The following CLIP1 variants were observed in gnomAD, a reference collection of about 807,000 sequenced individuals.
The protein encoded by CLIP1 is CAP-Gly domain containing linker protein 1, also known as CAP-Gly domain-containing linker protein 1.
A neutral mutation model predicts 161.6 loss-of-function variants in CLIP1; 66 were observed. The observed-to-expected ratio is 0.41, with a 90% CI of 0.33 to 0.50. CLIP1 has a LOEUF of 0.50. Ranked by LOEUF, CLIP1 falls within the 20% of genes least tolerant of loss-of-function variation. The pLI is 0.27. For synonymous variants in CLIP1, 598 were observed against 626.2 expected, an observed-to-expected ratio of 0.96 and a Z score of 0.67; for missense variants, 1,376 against 1,702.0, an observed-to-expected ratio of 0.81 and a Z score of 3.37.
In CLIP1 at chr12:122,341,424, C is replaced by T. The variant is rs780769680; in HGVS notation, c.1780G>A (p.Ala594Thr). ...HQKEIKALYT[A>T]TEKLSKENES... is the part of the protein sequence containing the mutation. ...TTCTCTTTGGAAAGCTTTTCCGTGG[C>T]GGTATACAGAGCCTTTATCTCCTTC... Residue 594 changes from alanine (A) to threonine (T), a missense_variant, in exon 11 of 26, where the codon GCC becomes ACC. Physicochemically the swap from Ala to Thr is moderately conservative, Grantham distance 58. Coordinates refer to ENST00000620786, the MANE Select transcript of CLIP1 (RefSeq NM_001247997.2). 1.4e-5 allele frequency: 23 copies of T among 1,613,942 alleles called. No homozygotes were observed. The highest frequency in any genetic ancestry group is 2.2e-5 in the South Asian group (2 of 91,082).
At chr12:122,320,320 T>A (rs1593058723) in intron 17 of CLIP1, among the ~76,000 whole-genome samples, 1 of 150,472 alleles carries the variant, frequency 6.6e-6, no homozygotes, top group African/African-American at 2.5e-5. Context: ...AATGAAAATA[T>A]AGCTAGGCAT....
chr12:122,396,927 C>T (rs868812280), intron 1 of CLIP1, among the ~76,000 whole-genome samples: 7 of 138,592 alleles, frequency 5.1e-5, no homozygotes, highest in Admixed American at 8.2e-5. Context: ...CCACCACACC[C>T]GGCAAATTTT....
chr12:122,369,722 G>T (rs1954341044), intron 3 of CLIP1, among the ~76,000 whole-genome samples: 1 of 151,870 alleles, frequency 6.6e-6, no homozygotes, highest in Non-Finnish European at 1.5e-5. Flanking sequence ...GCCATAGAAG[G>T]TGTCTTTAGT....
At chr12:122,306,535 C>T (rs1368691620) in intron 20 of CLIP1, among the ~76,000 whole-genome samples, 1 of 152,186 alleles carries the variant, frequency 6.6e-6, no homozygotes, top group African/African-American at 2.4e-5. Flanking sequence ...GCACACGATC[C>T]TGACCAAAAT....
chr12:122,378,733 G>A (rs971188282), intron 2 of CLIP1, among the ~76,000 whole-genome samples: 2 of 152,070 alleles, frequency 1.3e-5, no homozygotes, highest in Non-Finnish European at 2.9e-5. Flanking sequence ...AGTGGCTCAC[G>A]CCTGTAATCC....
At chr12:122,374,218 C>A (rs1954598439) in intron 3 of CLIP1, among the ~76,000 whole-genome samples, 1 of 151,282 alleles carries the variant, frequency 6.6e-6, no homozygotes, top group African/African-American at 2.4e-5. Flanking sequence ...ACGCCTGTAA[C>A]CCCAACACTT....
In CLIP1 at chr12:122,341,574, T is replaced by C. The variant is rs2136343964; in HGVS notation, c.1630A>G (p.Met544Val). ...ATCTCTTGCAAAAGGGAAAGTGACA[T>C]GTCCACATCCCCAGCAGGCTTATTG... ...ESNKPAGDVDMSLSLLQEISS... is the reference protein window; with the variant it reads ...ESNKPAGDVDVSLSLLQEISS... Residue 544 changes from methionine to valine, a missense_variant, in exon 11 of 26, where the codon ATG (methionine) becomes GTG (valine). Coordinates refer to ENST00000620786, the MANE Select transcript of CLIP1 (RefSeq NM_001247997.2). The C allele has an allele frequency of 1.2e-6, 2 of 1,614,042 alleles. No individual in the cohort carries two copies. The highest frequency in any genetic ancestry group is 4.5e-5 in the East Asian group (2 of 44,876).
chr12:122,412,966 C>G (rs182114277), intron 1 of CLIP1, among the ~76,000 whole-genome samples: 1 of 152,254 alleles, frequency 6.6e-6, no homozygotes, highest in Admixed American at 6.5e-5. Context: ...GTATCCCTTT[C>G]AACAGAAACT....
At chr12:122,316,966 T>A (rs760677469) in intron 18 of CLIP1, 111 bp from the exon 19 acceptor site, 19 of 668,502 alleles carry the variant, frequency 2.8e-5, no homozygotes, top group African/African-American at 3.7e-5. Flanking sequence ...AATTAGTCAC[T>A]CGCAAAAAAA....
intron 3 of CLIP1, among the ~76,000 whole-genome samples, chr12:122,372,396 CAA>C (rs998574172): frequency 6.7e-6 from 1 of 149,138 alleles, no homozygotes; most frequent in Non-Finnish European, 1.5e-5. Context: ...GCCTGGGCGA[CAA>C]GAGTGAAACC....
At chr12:122,321,314 C>T (rs1231635248) in intron 17 of CLIP1, among the ~76,000 whole-genome samples, 2 of 151,434 alleles carry the variant, frequency 1.3e-5, no homozygotes, top group East Asian at 2.0e-4. Context: ...GGCGCAAGCT[C>T]GGCTCACTGC....
At chr12:122,315,355 G>T (rs1021832992) in intron 19 of CLIP1, among the ~76,000 whole-genome samples, 2 of 152,148 alleles carry the variant, frequency 1.3e-5, no homozygotes, top group African/African-American at 4.8e-5. Flanking sequence ...TTCACCAGGT[G>T]AATTAGCTTT....
At chr12:122,329,011 A>C (rs1951822063) in intron 15 of CLIP1, among the ~76,000 whole-genome samples, 1 of 152,244 alleles carries the variant, frequency 6.6e-6, no homozygotes, top group African/African-American at 2.4e-5. Context: ...TTAATAAGGA[A>C]AAATGAGTGA....
chr12:122,352,096 C>A (rs1157360995), intron 8 of CLIP1, among the ~76,000 whole-genome samples: 2 of 144,556 alleles, frequency 1.4e-5, no homozygotes, highest in Non-Finnish European at 3.0e-5. Context: ...CTCGACCCAT[C>A]CCCCAAGCTG....
At chr12:122,327,270 A>G (rs1473226863) in intron 17 of CLIP1, among the ~76,000 whole-genome samples, 1 of 151,980 alleles carries the variant, frequency 6.6e-6, no homozygotes, top group Non-Finnish European at 1.5e-5. Flanking sequence ...ACACAGCAAG[A>G]CCCCATTCTC....
At chr12:122,328,943 C>T (rs1185280873) in intron 15 of CLIP1, among the ~76,000 whole-genome samples, 1 of 152,104 alleles carries the variant, frequency 6.6e-6, no homozygotes, top group East Asian at 1.9e-4. Context: ...GTCACAAATA[C>T]ATTATTTAGA....
intron 1 of CLIP1, among the ~76,000 whole-genome samples, chr12:122,416,064 C>A (rs1035443616): frequency 6.6e-6 from 1 of 151,518 alleles, no homozygotes; most frequent in African/African-American, 2.4e-5. Context: ...ATGGTGAAAC[C>A]CTGTCTCTAC....
At chr12:122,360,694 T>TA in intron 5 of CLIP1, 1 of 390,674 alleles carries the variant, frequency 2.6e-6, no homozygotes, top group Non-Finnish European at 4.6e-6. Context: ...AGGCAGTAGT[T>TA]ATACAGATTC....
chr12:122,384,446 C>G (rs1229348239), intron 1 of CLIP1, among the ~76,000 whole-genome samples: 2 of 152,104 alleles, frequency 1.3e-5, no homozygotes, highest in African/African-American at 4.8e-5. Context: ...GGTTAAGTGA[C>G]CTTTCCAAGG....
Sources: allele counts gnomAD v4.1 joint callset (sites outside exome capture counted in the v4.1 genomes callset), GRCh38; gene constraint gnomAD v4.1.1; transcripts MANE v1.5; gene names NCBI Gene and HGNC (gene_info 2026-07-23, HGNC 2026-07-21).